Variants in KALRN observed in about 807,000 individuals in gnomAD.
KALRN encodes kalirin.
Under a neutral mutation model 353.7 loss-of-function variants are expected in KALRN, and 70 were observed. The ratio of observed to expected loss-of-function variants is 0.20; its 90% CI spans 0.16 to 0.24. The LOEUF is 0.24. Among genes scored for constraint, KALRN ranks in the 10% least tolerant of loss-of-function variants. The pLI is 1.00. For synonymous variants in KALRN, 1,391 were observed against 1,434.8 expected, an observed-to-expected ratio of 0.97 and a Z score of 0.69; for missense variants, 2,791 against 3,756.7, an observed-to-expected ratio of 0.74 and a Z score of 6.72.
chr3:124,331,116 C>T (rs1392320220), intron 8 of KALRN, among the ~76,000 whole-genome samples: 1 of 152,130 alleles, frequency 6.6e-6, no homozygotes, highest in Non-Finnish European at 1.5e-5. Flanking sequence ...TCTGTGAAAT[C>T]AAAGTAGTAA....
intron 1 of KALRN, among the ~76,000 whole-genome samples, chr3:124,117,034 T>G (rs763663864): frequency 7.9e-5 from 12 of 152,196 alleles, no homozygotes; most frequent in Non-Finnish European, 1.8e-4. Context: ...CTATCCTATT[T>G]GGAGTCCAAA....
At position 124,298,883 on chromosome 3, in the gene KALRN, G is replaced by T; in HGVS notation, c.1062G>T (p.Thr354=). The T allele has an allele frequency of 6.2e-7, 1 of 1,614,164 alleles. No homozygotes were observed. Among genetic ancestry groups the T allele is most frequent in the Non-Finnish European group, 8.5e-7 (1 of 1,180,008 alleles). The change falls in exon 6 of 60, where the codon ACG becomes ACT. Residue 354 remains threonine, a synonymous_variant. Transcript: ENST00000682506. The part of the protein sequence containing the change: ...VSYQYALDLQ[T]QHNHFAMNSM... ...ACCAGTACGCCCTTGACCTCCAGAC[G>T]CAGCACAATCACTTTGCCATGAACT... is the stretch of plus-strand genomic sequence containing the variant.
chr3:124,669,968 T>C (rs1419253251), intron 47 of KALRN, among the ~76,000 whole-genome samples: 1 of 151,048 alleles, frequency 6.6e-6, no homozygotes, highest in East Asian at 1.9e-4. Context: ...ATTTTCTTTT[T>C]TTTTTTTTTT....
chr3:124,073,537 T>A (rs1192125183), intron 1 of KALRN, among the ~76,000 whole-genome samples: 2 of 152,204 alleles, frequency 1.3e-5, no homozygotes, highest in Non-Finnish European at 2.9e-5. Context: ...CCACTTTTTT[T>A]AAGTAGCCTT....
At chr3:124,224,530 C>T (rs1393623851) in intron 1 of KALRN, among the ~76,000 whole-genome samples, 1 of 152,084 alleles carries the variant, frequency 6.6e-6, no homozygotes, top group African/African-American at 2.4e-5. Flanking sequence ...ATAGTTCTAC[C>T]AAATATACCA....
At chr3:124,048,472 C>CTA (rs1559870003) in intron 1 of KALRN, among the ~76,000 whole-genome samples, 2 of 151,456 alleles carry the variant, frequency 1.3e-5, no homozygotes, top group Non-Finnish European at 2.9e-5. Flanking sequence ...ATGTCAGTAC[C>CTA]TATAGCTTTA....
intron 1 of KALRN, among the ~76,000 whole-genome samples, chr3:124,126,490 G>A (rs969561114): frequency 6.6e-6 from 1 of 152,058 alleles, no homozygotes; most frequent in Non-Finnish European, 1.5e-5. Flanking sequence ...GTGGTCTCAG[G>A]ACATCCCCTG....
At chr3:124,658,581 C>A in intron 42 of KALRN, 64 bp downstream of exon 42, 1 of 1,192,168 alleles carries the variant, frequency 8.4e-7, no homozygotes, top group Non-Finnish European at 1.3e-6. Flanking sequence ...CAGCCACTTT[C>A]AGAAATACCA....
chr3:124,650,368 A>G (rs1024504702), intron 37 of KALRN, among the ~76,000 whole-genome samples: 1 of 152,234 alleles, frequency 6.6e-6, no homozygotes, highest in African/African-American at 2.4e-5. Flanking sequence ...AATTTTAGCT[A>G]TCTCACATAA....
intron 2 of KALRN, among the ~76,000 whole-genome samples, chr3:124,233,443 T>A (rs1212591278): frequency 1.3e-5 from 2 of 152,160 alleles, no homozygotes; most frequent in Non-Finnish European, 2.9e-5. Flanking sequence ...AAGGTCCAAC[T>A]CTGAGTTAAT....
chr3:124,578,896 A>C (rs947134629), intron 34 of KALRN, among the ~76,000 whole-genome samples: 11 of 152,032 alleles, frequency 7.2e-5, no homozygotes, highest in Admixed American at 5.9e-4. Flanking sequence ...TGGCCTCTGC[A>C]CTCACCAGGA....
chr3:124,038,763 C>A (rs2039659896), intron 1 of KALRN, among the ~76,000 whole-genome samples: 1 of 152,208 alleles, frequency 6.6e-6, no homozygotes, highest in African/African-American at 2.4e-5. Flanking sequence ...CTCTGTATAT[C>A]TTTCCAACTC....
chr3:124,244,944 G>A (rs1255435766), intron 3 of KALRN, among the ~76,000 whole-genome samples: 2 of 152,090 alleles, frequency 1.3e-5, no homozygotes, highest in Non-Finnish European at 2.9e-5. Context: ...GGTCAAATCA[G>A]AGGCATTGAG....
At chr3:124,249,052 C>T (rs1452641925) in intron 3 of KALRN, among the ~76,000 whole-genome samples, 1 of 152,254 alleles carries the variant, frequency 6.6e-6, no homozygotes, top group African/African-American at 2.4e-5. Context: ...GACCATTCCT[C>T]ACCCTCTTGC....
intron 34 of KALRN, among the ~76,000 whole-genome samples, chr3:124,618,266 C>T (rs577541606): frequency 1.1e-4 from 16 of 149,874 alleles, no homozygotes; most frequent in South Asian, 6.5e-4. Context: ...CCTGCCACCA[C>T]GCCCAGCTAA....
intron 1 of KALRN, among the ~76,000 whole-genome samples, chr3:124,035,964 G>A (rs2039376409): frequency 6.6e-6 from 1 of 152,250 alleles, no homozygotes; most frequent in Non-Finnish European, 1.5e-5. Context: ...CATCCACCCT[G>A]TGTGGCCCTC....
intron 3 of KALRN, among the ~76,000 whole-genome samples, chr3:124,235,615 G>C (rs545727086): frequency 2.0e-5 from 3 of 150,916 alleles, no homozygotes; most frequent in African/African-American, 7.2e-5. Flanking sequence ...CTTAGGGAAA[G>C]GGGCTGACAG....
intron 10 of KALRN, among the ~76,000 whole-genome samples, chr3:124,364,483 C>A (rs2084414287): frequency 6.6e-6 from 1 of 152,182 alleles, no homozygotes; most frequent in Non-Finnish European, 1.5e-5. Flanking sequence ...ATGGCTATGT[C>A]TTTTCAGTTA....
intron 32 of KALRN, among the ~76,000 whole-genome samples, chr3:124,495,332 C>A (rs1347827495): frequency 6.6e-6 from 1 of 152,204 alleles, no homozygotes; most frequent in Non-Finnish European, 1.5e-5. Context: ...TAAATTCCTT[C>A]TCCACACCCA....
Sources: gnomAD v4.1 joint callset for allele counts (sites outside exome capture counted in the v4.1 genomes callset) on GRCh38, gnomAD v4.1.1 for gene constraint, MANE v1.5 for transcripts, NCBI Gene and HGNC (gene_info 2026-07-23, HGNC 2026-07-21) for gene names.